BCAS3: variants seen among roughly 807,000 people sequenced by gnomAD.
BCAS3 encodes the protein BCAS3 microtubule associated cell migration factor, also known as BCAS4/BCAS3 fusion.
BCAS3 carries 53 observed loss-of-function variants against 116.1 expected under a neutral mutation model. The observed-to-expected ratio is 0.46, with a 90% CI of 0.37 to 0.57. The LOEUF is 0.57. Ranked by LOEUF, BCAS3 falls within the 20% of genes least tolerant of loss-of-function variation. The probability of loss-of-function intolerance (pLI) is 0.00; values close to 1 mark genes in which losing one functional copy is unlikely to be tolerated. For missense variants in BCAS3, 917 were observed against 1,165.4 expected, an observed-to-expected ratio of 0.79 and a Z score of 3.10; for synonymous variants, 391 against 408.2, an observed-to-expected ratio of 0.96 and a Z score of 0.51.
Position 60,719,884 on chromosome 17 carries a change from G to T in BCAS3, c.321+10559G>T, listed in dbSNP as rs147414214. 3.8e-4 allele frequency among the ~76,000 whole-genome samples: 58 copies of T among 152,294 alleles called. No homozygotes were observed. The East Asian group carries it at 9.3e-3, about 24-fold the overall frequency. ...GGTAAGTGGTTAGACGTTTAGAAGAGAAGAAAGTTAAAGATGTTTCCAGAG... is the reference window on the plus strand; with the variant it reads ...GGTAAGTGGTTAGACGTTTAGAAGATAAGAAAGTTAAAGATGTTTCCAGAG... On this transcript the variant is annotated intron_variant, in intron 5 of 23. Coordinates refer to ENST00000407086, the MANE Select transcript of BCAS3 (RefSeq NM_017679.5).
chr17:61,373,441 T>C (rs1297867076), intron 23 of BCAS3, among the ~76,000 whole-genome samples: 1 of 151,518 alleles, frequency 6.6e-6, no homozygotes, highest in Non-Finnish European at 1.5e-5. Flanking sequence ...ATCTGTTTGC[T>C]ACTGTTAACA....
At position 61,186,793 on chromosome 17, in the gene BCAS3, C is replaced by A. The variant is rs561466706; in HGVS notation, c.2425+102229C>A. Among the ~76,000 whole-genome samples the A allele has an allele frequency of 1.3e-5, 2 of 152,074 alleles. No homozygotes were observed. The highest frequency in any genetic ancestry group is 2.4e-5 in the African/African-American group (1 of 41,412). On this transcript the variant is annotated intron_variant, in intron 22 of 23. Transcript: ENST00000407086. This position sits in a 1 kb window ranked among gnomAD's most constrained non-coding sequence, Gnocchi z 4.9. ...TGGCACGATCTCAGCTTACTGCAAG[C>A]TCCACCTCCTGGGTTCACGCCATTC...
rs570045407 is a variant in BCAS3 at position 60,715,575 on chromosome 17, G to C, written c.321+6250G>C. ...GCAATCTCAGCTCACTGCAACCTCC[G>C]CCTCCTGGGTTCAAGCAATTCTCCT... is the stretch of plus-strand genomic sequence containing the variant. On this transcript the variant is annotated intron_variant, in intron 5 of 23. Transcript: ENST00000407086. 8.6e-5 allele frequency among the ~76,000 whole-genome samples: 13 copies of C among 151,944 alleles called. No individual in the cohort carries two copies. In the East Asian group the frequency reaches 2.5e-3, roughly 29 times the overall value.
At chr17:61,260,109 G>A (rs1430125002) in intron 22 of BCAS3, among the ~76,000 whole-genome samples, 1 of 152,166 alleles carries the variant, frequency 6.6e-6, no homozygotes, top group African/African-American at 2.4e-5. Flanking sequence ...ACTAAATGCC[G>A]AAGTCAAGAC....
chr17:61,250,061 G>A (rs914494900), intron 22 of BCAS3, among the ~76,000 whole-genome samples: 2 of 152,162 alleles, frequency 1.3e-5, no homozygotes, highest in African/African-American at 2.4e-5. Flanking sequence ...TATAAGGAAG[G>A]TCGAAGACAC....
rs61645091 is a variant in BCAS3, at chr17:60,757,394, A to ATGTGTGTGTG, written c.403+10149_403+10158dup. 3.7e-3 allele frequency among the ~76,000 whole-genome samples: 504 copies of ATGTGTGTGTG among 136,652 alleles called. 3 individuals carry two copies. Among genetic ancestry groups the ATGTGTGTGTG allele is most frequent in the East Asian group, 0.012 (55 of 4,664 alleles). The allele number at this position is 136,652 out of a possible 152,430, so 89.6% of individuals were successfully genotyped here. Reference sequence around the variant, plus strand: ...TCTCTGCATCCTTGCCAGCATGTATATGTGTGTGTGTGTGTGTGTGTGTGT... The same window carrying ATGTGTGTGTG: ...TCTCTGCATCCTTGCCAGCATGTATATGTGTGTGTGTGTGTGTGTGTGTGTGTGTGTGTGT... On this transcript the variant is annotated intron_variant, in intron 6 of 23. Transcript: ENST00000407086.
chr17:60,860,649 T>C (rs2054075619), intron 7 of BCAS3, among the ~76,000 whole-genome samples: 1 of 152,224 alleles, frequency 6.6e-6, no homozygotes, highest in Non-Finnish European at 1.5e-5. Context: ...CTTGAGTTGA[T>C]TTTTGTATAC....
At chr17:60,989,948 A>G in intron 14 of BCAS3, 23 bp from the exon 15 acceptor site, 2 of 1,602,094 alleles carry the variant, frequency 1.2e-6, no homozygotes, top group Non-Finnish European at 8.5e-7. Flanking sequence ...ACATTTTTGT[A>G]TCTTTTCTTA....
At chr17:60,719,381 A>C (rs1568094865) in intron 5 of BCAS3, among the ~76,000 whole-genome samples, 1 of 152,244 alleles carries the variant, frequency 6.6e-6, no homozygotes, top group Non-Finnish European at 1.5e-5. Flanking sequence ...ATTTGTGCCA[A>C]CTTTTAGAAA....
rs373638239 is a variant in BCAS3, at chr17:61,160,764, C to T, written c.2425+76200C>T. ...TCTAGTTAAAACTGTGACCTTGAAG[C>T]GGGGGTTGGGTAAGGAAGGCCCTAC... On this transcript the variant is annotated intron_variant, in intron 22 of 23. Coordinates refer to ENST00000407086, the MANE Select transcript of BCAS3 (RefSeq NM_017679.5). Among the ~76,000 whole-genome samples, 350 of 152,104 alleles carry T rather than the reference C, an allele frequency of 2.3e-3. 2 individuals are homozygous for T. Among genetic ancestry groups the T allele is most frequent in the Middle Eastern group, 6.8e-3 (2 of 294 alleles).
Position 61,130,112 on chromosome 17 carries a change from T to C in BCAS3, c.2425+45548T>C, listed in dbSNP as rs2076251935. 6.6e-6 allele frequency among the ~76,000 whole-genome samples: 1 copy of C among 152,208 alleles called. No homozygotes were observed. ...GCATATGGATGATGCTCTAATGACA[T>C]CTGTCCAGTTGTTGTAATCACATAT... On this transcript the variant is annotated intron_variant, in intron 22 of 23. Transcript: ENST00000407086. This position sits in a 1 kb window ranked among gnomAD's most constrained non-coding sequence, Gnocchi z 5.0.
intron 19 of BCAS3, among the ~76,000 whole-genome samples, chr17:61,064,142 T>C (rs901355007): frequency 1.3e-5 from 2 of 152,112 alleles, no homozygotes; most frequent in African/African-American, 2.4e-5. Context: ...CTTAGAAGTA[T>C]ATTAGAGGCT....
At chr17:60,822,924 C>G (rs1802142326) in intron 7 of BCAS3, among the ~76,000 whole-genome samples, 1 of 152,130 alleles carries the variant, frequency 6.6e-6, no homozygotes, top group African/African-American at 2.4e-5. Context: ...GAGAAAGAGA[C>G]CCAACCATCC....
chr17:60,803,671 G>A (rs894691205), intron 6 of BCAS3, among the ~76,000 whole-genome samples: 4 of 151,694 alleles, frequency 2.6e-5, no homozygotes, highest in African/African-American at 9.7e-5. Context: ...AAAAACAAAG[G>A]AAAAATTTTG....
chr17:60,980,290 C>T (rs1457457800), intron 14 of BCAS3, among the ~76,000 whole-genome samples: 2 of 152,286 alleles, frequency 1.3e-5, no homozygotes, highest in South Asian at 4.1e-4. Context: ...CACATCCTCA[C>T]CAAAACTTAT....
intron 22 of BCAS3, among the ~76,000 whole-genome samples, chr17:61,303,942 T>C (rs960495389): frequency 6.6e-6 from 1 of 152,100 alleles, no homozygotes; most frequent in Non-Finnish European, 1.5e-5. Context: ...GTCTAACCCA[T>C]CCCAATCATC....
At chr17:61,195,999 G>T (rs2080456018) in intron 22 of BCAS3, among the ~76,000 whole-genome samples, 1 of 152,186 alleles carries the variant, frequency 6.6e-6, no homozygotes, top group Non-Finnish European at 1.5e-5. Context: ...GGACATTGAT[G>T]TCAGAAGCAT....
intron 4 of BCAS3, among the ~76,000 whole-genome samples, chr17:60,702,190 C>T (rs975983602): frequency 1.3e-5 from 2 of 152,148 alleles, no homozygotes; most frequent in South Asian, 4.1e-4. Flanking sequence ...ATAAAATTAC[C>T]TGTAGTACAT....
intron 22 of BCAS3, among the ~76,000 whole-genome samples, chr17:61,270,558 C>T (rs1279003371): frequency 6.6e-6 from 1 of 152,186 alleles, no homozygotes; most frequent in Non-Finnish European, 1.5e-5. Context: ...CCTTTTCACA[C>T]TGTTGTCTCC....
Sources: gnomAD v4.1 joint callset for allele counts (sites outside exome capture counted in the v4.1 genomes callset) on GRCh38, gnomAD v4.1.1 for gene constraint, Gnocchi (gnomAD v3.1) non-coding constraint, MANE v1.5 for transcripts, NCBI Gene and HGNC (gene_info 2026-07-23, HGNC 2026-07-21) for gene names.